The following MROH2A variants were observed in gnomAD, a reference collection of about 807,000 sequenced individuals.
MROH2A encodes the protein maestro heat like repeat family member 2A.
A neutral mutation model predicts 200.4 loss-of-function variants in MROH2A; 174 were observed. The ratio of observed to expected loss-of-function variants is 0.87; its 90% CI spans 0.77 to 0.98. The LOEUF (loss-of-function observed/expected upper bound fraction) is 0.98, where lower values mean the gene tolerates loss of function less well. Among genes scored for constraint, MROH2A ranks in the 50% least tolerant of loss-of-function variants. MROH2A has a pLI of 0.00. For missense variants in MROH2A, 2,045 were observed against 2,139.6 expected, an observed-to-expected ratio of 0.96 and a Z score of 0.87; for synonymous variants, 829 against 840.4, an observed-to-expected ratio of 0.99 and a Z score of 0.23.
chr2:233,833,132 T>C lies in MROH2A; in HGVS notation c.4904-6T>C, dbSNP rs1299041435. 2 of 1,540,170 alleles carry C rather than the reference T, an allele frequency of 1.3e-6. No homozygotes were observed. Among genetic ancestry groups the C allele is most frequent in the South Asian group, 2.4e-5 (2 of 82,132 alleles). On this transcript the variant is annotated splice_polypyrimidine_tract_variant and splice_region_variant and intron_variant, in intron 41 of 41. Coordinates refer to ENST00000389758, the MANE Select transcript of MROH2A (RefSeq NM_001394639.1). ...CTGAACCTTCCCTCTTTGTGTTCTC[T>C]CTCAGCCCTCCAGGAACTACAGCTG...
At chr2:233,790,756 C>G (rs1253691877) in intron 5 of MROH2A, among the ~76,000 whole-genome samples, 1 of 151,526 alleles carries the variant, frequency 6.6e-6, no homozygotes, top group Non-Finnish European at 1.5e-5. Context: ...AGCTCCTACT[C>G]CATGCAGGCC....
rs962184774 is a variant in MROH2A at position 233,807,730 on chromosome 2, C to T, written c.2173-3C>T. On this transcript the variant is annotated splice_polypyrimidine_tract_variant and splice_region_variant and intron_variant, in intron 20 of 41. Coordinates refer to ENST00000389758, the MANE Select transcript of MROH2A (RefSeq NM_001394639.1). This position sits in a 1 kb window ranked among gnomAD's most constrained non-coding sequence, Gnocchi z 4.3. ...CACCCTGGCTGGCTGGGTCTCCCTG[C>T]AGGGTGTGATTATGTGCTTTGGCCT... is the stretch of plus-strand genomic sequence containing the variant. 7 of 1,550,556 alleles carry T rather than the reference C, an allele frequency of 4.5e-6. No homozygotes were observed. The highest frequency in any genetic ancestry group is 6.1e-6 in the Non-Finnish European group (7 of 1,147,012).
rs777751858 is a variant in MROH2A, at chr2:233,804,048, C to T, written c.1750-3C>T. On this transcript the variant is annotated splice_polypyrimidine_tract_variant and splice_region_variant and intron_variant, in intron 16 of 41. Coordinates refer to ENST00000389758, the MANE Select transcript of MROH2A (RefSeq NM_001394639.1). ...ACTTCACTGGAGCCTTGGTGCCCTC[C>T]AGGTGCTGATGTCATCACCTTACAA... 3.8e-5 allele frequency: 59 copies of T among 1,550,424 alleles called. No individual in the cohort carries two copies. The African/African-American group carries it at 6.8e-4, about 18-fold the overall frequency.
chr2:233,825,862 C>G (rs115532570), intron 35 of MROH2A, among the ~76,000 whole-genome samples: 4,515 of 148,376 alleles, frequency 0.03, 238 homozygotes, highest in African/African-American at 0.11. Context: ...CCTTCCTTTT[C>G]AATGGTTTGG....
In MROH2A at chr2:233,819,336, G is replaced by A; in HGVS notation, c.3224G>A (p.Ser1075Asn). ...RIAKVVCMEF[S>N]CDEVVSLIQK... Reference sequence around the variant, plus strand: ...TCCTAGGTGGTCTGCATGGAGTTTAGCTGCGATGAGGTGGTCTCGCTCATC... The same window carrying A: ...TCCTAGGTGGTCTGCATGGAGTTTAACTGCGATGAGGTGGTCTCGCTCATC... Residue 1075 changes from serine to asparagine, a missense_variant, in exon 30 of 42, where the codon AGC becomes AAC. Coordinates refer to ENST00000389758, the MANE Select transcript of MROH2A (RefSeq NM_001394639.1). 2 of 1,550,398 alleles carry A rather than the reference G, an allele frequency of 1.3e-6. No individual in the cohort carries two copies. The highest frequency in any genetic ancestry group is 1.7e-6 in the Non-Finnish European group (2 of 1,146,788).
At position 233,795,788 on chromosome 2, in the gene MROH2A, G is replaced by A. The variant is rs1328805981; in HGVS notation, c.1059+43G>A. 3.9e-6 allele frequency: 6 copies of A among 1,550,706 alleles called. No homozygotes were observed. In the Admixed American group the frequency reaches 7.8e-5, roughly 20 times the overall value. ...AGCTGGACAAGGGCATTCTCTGGGT[G>A]GATCAGCAGGAAGCTGGCGGCGGGA... is the stretch of plus-strand genomic sequence containing the variant. On this transcript the variant is annotated intron_variant, in intron 9 of 41. Coordinates refer to ENST00000389758, the MANE Select transcript of MROH2A (RefSeq NM_001394639.1).
rs1254749502 is a variant in MROH2A, at chr2:233,789,836, C to T, written c.409-16C>T. The T allele has an allele frequency of 3.2e-6, 5 of 1,545,520 alleles. No individual in the cohort carries two copies. Among genetic ancestry groups the T allele is most frequent in the Middle Eastern group, 1.8e-4 (1 of 5,462 alleles). Reference sequence around the variant, plus strand: ...GCTGGTGGTGGTGCCATATGTCCCTCTTCTGTCTCCTGCAGATGGAGGGCT... The same window carrying T: ...GCTGGTGGTGGTGCCATATGTCCCTTTTCTGTCTCCTGCAGATGGAGGGCT... On this transcript the variant is annotated splice_polypyrimidine_tract_variant and intron_variant, in intron 4 of 41. Transcript: ENST00000389758.
At chr2:233,802,003 CAA>C (rs539912242) in intron 14 of MROH2A, among the ~76,000 whole-genome samples, 163 bp from the exon 15 acceptor site, 2 of 152,162 alleles carry the variant, frequency 1.3e-5, no homozygotes, top group Non-Finnish European at 2.9e-5. Flanking sequence ...ATGCCCCTGA[CAA>C]AGACTGGATT....
Position 233,819,847 on chromosome 2 carries a change from G to A in MROH2A, c.3358-55G>A, listed in dbSNP as rs1703814622. On this transcript the variant is annotated intron_variant, in intron 30 of 41. Coordinates refer to ENST00000389758, the MANE Select transcript of MROH2A (RefSeq NM_001394639.1). ...AGCAGGGGCATGTCATGGGGTTAGT[G>A]CAGGAGGCCATAGGGGCCTGGGCTG... 5.5e-6 allele frequency: 8 copies of A among 1,453,052 alleles called. 1 individual carries two copies. The African/African-American group carries it at 7.1e-5, about 13-fold the overall frequency. The allele number at this position is 1,453,052 out of a possible 1,614,324, so 90.0% of individuals were successfully genotyped here. A position where few individuals can be genotyped will look rare whatever the true frequency, so the allele number is the denominator to read the frequency against.
chr2:233,804,773 C>A (rs892825102), intron 18 of MROH2A, among the ~76,000 whole-genome samples: 2 of 152,156 alleles, frequency 1.3e-5, no homozygotes, highest in Non-Finnish European at 2.9e-5. Context: ...AGGAGGGCAG[C>A]AGGGAGTGAC....
chr2:233,776,803 C>T (rs1700720084), upstream of MROH2A, among the ~76,000 whole-genome samples: 1 of 152,174 alleles, frequency 6.6e-6, no homozygotes, highest in Non-Finnish European at 1.5e-5. Flanking sequence ...TCTATTTCTC[C>T]AGCCTGTGGG....
chr2:233,817,586 T>G (rs1703624709), intron 27 of MROH2A, among the ~76,000 whole-genome samples: 1 of 152,188 alleles, frequency 6.6e-6, no homozygotes, highest in African/African-American at 2.4e-5. Context: ...TGACATTCCC[T>G]GCAAGAGGAG....
intron 3 of MROH2A, among the ~76,000 whole-genome samples, chr2:233,782,185 AGGATTGGTTTGTCT>A (rs912055478): frequency 1.4e-4 from 22 of 152,156 alleles, no homozygotes; most frequent in Non-Finnish European, 2.6e-4. Context: ...CTTTTTGCTC[AGGATTGGTTTGTCT>A]GTTTGGAGTC....
At chr2:233,779,240 C>T in intron 1 of MROH2A, 105 bp from the exon 2 acceptor site, 2 of 697,876 alleles carry the variant, frequency 2.9e-6, no homozygotes, top group East Asian at 2.7e-5. Context: ...AGGTTCCACC[C>T]ACACACCCTC....
At chr2:233,810,659 T>C (rs2126145476) in intron 22 of MROH2A, 135 bp from the exon 23 acceptor site, 2 of 1,141,184 alleles carry the variant, frequency 1.8e-6, no homozygotes, top group Non-Finnish European at 2.4e-6. Context: ...AGAGTGAGGC[T>C]GGCCATCTCT....
intron 26 of MROH2A, among the ~76,000 whole-genome samples, chr2:233,815,821 G>C (rs1307168853): frequency 6.9e-6 from 1 of 144,522 alleles, no homozygotes; most frequent in Non-Finnish European, 1.5e-5. Context: ...ATCAGGATCA[G>C]ATAATGTAAG....
In MROH2A at chr2:233,820,115, A is replaced by C; in HGVS notation, c.3512+59A>C. The C allele has an allele frequency of 2.8e-6, 4 of 1,412,958 alleles. No individual in the cohort carries two copies. The highest frequency in any genetic ancestry group is 2.8e-6 in the Non-Finnish European group (3 of 1,062,000). 87.5% of individuals were successfully genotyped at this position (1,412,958 alleles called of 1,614,324 possible). ...TGTGCCATTTGACCATGCCCAACTC[A>C]CCACCCCGATGTGTCCCAGAAGCCT... On this transcript the variant is annotated intron_variant, in intron 31 of 41. Coordinates refer to ENST00000389758, the MANE Select transcript of MROH2A (RefSeq NM_001394639.1). The surrounding 1 kb of genome is among the most constrained non-coding windows in gnomAD (Gnocchi z 4.1).
Position 233,799,909 on chromosome 2 carries a change from C to T in MROH2A, c.1449+10C>T. 6.4e-7 allele frequency: 1 copy of T among 1,550,394 alleles called. No individual in the cohort carries two copies. The highest frequency in any genetic ancestry group is 8.7e-7 in the Non-Finnish European group (1 of 1,146,912). ...ATCCACCTACAAACTGGTGAGTGGC[C>T]CTGATACGCAGACCGCAGAGCAGCT... On this transcript the variant is annotated intron_variant, in intron 13 of 41. Transcript: ENST00000389758.
Position 233,822,571 on chromosome 2 carries a change from G to A in MROH2A, c.3866+15G>A, listed in dbSNP as rs983072368. The stretch of plus-strand genomic sequence containing the variant: ...AACCTGCAAAGGTGCTCTCGAGGGC[G>A]GTGGGTGCAAGGCAGCAGGCCTGGG... On this transcript the variant is annotated intron_variant, in intron 33 of 41. Transcript: ENST00000389758. The A allele has an allele frequency of 3.8e-5, 58 of 1,546,204 alleles. No homozygotes were observed. In the African/African-American group the frequency reaches 6.4e-4, roughly 17 times the overall value.
Sources: gnomAD v4.1 joint callset for allele counts (sites outside exome capture counted in the v4.1 genomes callset) on GRCh38, gnomAD v4.1.1 for gene constraint, Gnocchi (gnomAD v3.1) non-coding constraint, MANE v1.5 for transcripts, NCBI Gene and HGNC (gene_info 2026-07-23, HGNC 2026-07-21) for gene names.